The following AASS variants were observed in gnomAD, a reference collection of about 807,000 sequenced individuals.
The protein encoded by AASS is alpha-aminoadipic semialdehyde synthase, mitochondrial.
AASS carries 86 observed loss-of-function variants against 105.4 expected under a neutral mutation model. The ratio of observed to expected loss-of-function variants is 0.82; its 90% confidence interval spans 0.69 to 0.98. The LOEUF (loss-of-function observed/expected upper bound fraction) is 0.98, where lower values mean the gene tolerates loss of function less well. Among genes scored for constraint, AASS ranks in the 50% least tolerant of loss-of-function variants. AASS has a pLI of 0.00. For synonymous variants in AASS, 381 were observed against 394.8 expected, an observed-to-expected ratio of 0.96 and a Z score of 0.41; for missense variants, 1,048 against 1,143.2, an observed-to-expected ratio of 0.92 and a Z score of 1.20.
At chr7:122,136,960 T>C (rs2150556511) in intron 1 of AASS, among the ~76,000 whole-genome samples, 1 of 152,236 alleles carries the variant, frequency 6.6e-6, no homozygotes. Context: ...CATACACACA[T>C]ATACTTGCAA....
At chr7:122,113,951 A>G (rs1280416952) in intron 9 of AASS, among the ~76,000 whole-genome samples, 5 of 151,760 alleles carry the variant, frequency 3.3e-5, no homozygotes, top group African/African-American at 9.6e-5. Context: ...GAAAGAAAGA[A>G]AGAAAAGAAA....
At chr7:122,129,648 G>C in intron 2 of AASS, 111 bp from the exon 3 acceptor site, 1 of 966,054 alleles carries the variant, frequency 1.0e-6, no homozygotes, top group Non-Finnish European at 1.6e-6. Flanking sequence ...AATAAAATCT[G>C]TATGAATTAG....
Position 122,115,121 on chromosome 7 carries a change from G to C in AASS, c.996C>G (p.Gly332=). 6.2e-7 allele frequency: 1 copy of C among 1,614,154 alleles called. No homozygotes were observed. The highest frequency in any genetic ancestry group is 8.5e-7 in the Non-Finnish European group (1 of 1,180,018). ...CTTCCACACCAGCAGGTGAGAACTT[G>C]CCCGGAGCCAGGAGACTCTGAGCAT... ...RQDAQSLLAP[G]KFSPAGVEGC... Residue 332 remains glycine (G), a synonymous_variant, in exon 9 of 24, where the codon GGC becomes GGG. Transcript: ENST00000417368.
At chr7:122,143,900 C>G (rs1796514003) in intron 1 of AASS, among the ~76,000 whole-genome samples, 2 of 152,200 alleles carry the variant, frequency 1.3e-5, no homozygotes, top group South Asian at 4.1e-4. Context: ...CTGCGCTGAC[C>G]GCTCTCCCTC....
At chr7:122,091,916 A>C in intron 17 of AASS, 73 bp from the exon 18 acceptor site, 2 of 1,071,324 alleles carry the variant, frequency 1.9e-6, no homozygotes, top group Non-Finnish European at 2.8e-6. Flanking sequence ...AATTGAAGAC[A>C]ATGATATGAA....
chr7:122,096,807 A>G (rs1304140282), intron 15 of AASS, among the ~76,000 whole-genome samples: 2 of 152,032 alleles, frequency 1.3e-5, no homozygotes, highest in Non-Finnish European at 2.9e-5. Flanking sequence ...ACATATTAAG[A>G]GATTGATGTC....
At chr7:122,103,352 T>C (rs1201326460) in intron 11 of AASS, among the ~76,000 whole-genome samples, 2 of 152,014 alleles carry the variant, frequency 1.3e-5, no homozygotes, top group African/African-American at 4.8e-5. Context: ...AAAAATACTA[T>C]ACACAGCAAA....
intron 4 of AASS, among the ~76,000 whole-genome samples, chr7:122,122,337 G>C (rs1348242369): frequency 2.0e-5 from 3 of 152,136 alleles, no homozygotes; most frequent in Non-Finnish European, 4.4e-5. Flanking sequence ...CAGAATTTAA[G>C]TGACAGGTGG....
intron 18 of AASS, among the ~76,000 whole-genome samples, chr7:122,088,120 G>T (rs1170464526): frequency 1.3e-5 from 2 of 151,934 alleles, no homozygotes; most frequent in East Asian, 3.9e-4. Context: ...TGTCTGTTTT[G>T]CAGAGAATAT....
chr7:122,085,974 A>G (rs756370297), intron 19 of AASS, 38 bp downstream of exon 19: 1 of 1,611,960 alleles, frequency 6.2e-7, no homozygotes, highest in African/African-American at 1.3e-5. Context: ...CTTACATCAC[A>G]ACTGGCAACA....
At chr7:122,140,721 C>T (rs374439050) in intron 1 of AASS, among the ~76,000 whole-genome samples, 72 of 151,738 alleles carry the variant, frequency 4.7e-4, no homozygotes, top group South Asian at 3.8e-3. Flanking sequence ...TCAAATCACA[C>T]GGGGGATTTC....
Position 122,076,596 on chromosome 7 carries a change from C to G in AASS, c.2674G>C (p.Ala892Pro). The change falls in exon 24 of 24, where the codon GCC becomes CCC. Residue 892 changes from alanine (A) to proline (P), a missense_variant. Physicochemically the swap from Ala to Pro is conservative, Grantham distance 27. Coordinates refer to ENST00000417368, the MANE Select transcript of AASS (RefSeq NM_005763.4). Reference sequence around the variant, plus strand: ...GAAAAGGGCCCCATTAGGCCTTTGGCTCCAATTTCACCTGGAAGAAAATAA... The same window carrying G: ...GAAAAGGGCCCCATTAGGCCTTTGGGTCCAATTTCACCTGGAAGAAAATAA... ...AKMLLDGEIG[A>P]KGLMGPFSKE... 5 of 1,609,698 alleles carry G rather than the reference C, an allele frequency of 3.1e-6. No individual in the cohort carries two copies. Among genetic ancestry groups the G allele is most frequent in the Non-Finnish European group, 4.3e-6 (5 of 1,176,026 alleles).
chr7:122,103,998 T>G (rs1794550049), intron 11 of AASS, among the ~76,000 whole-genome samples: 1 of 151,758 alleles, frequency 6.6e-6, no homozygotes, highest in African/African-American at 2.4e-5. Context: ...AATTTAGCAC[T>G]AAAGGAAATC....
intron 22 of AASS, 142 bp from the exon 23 acceptor site, chr7:122,078,156 A>G (rs1467536069): frequency 9.9e-6 from 8 of 808,780 alleles, no homozygotes; most frequent in Non-Finnish European, 1.6e-5. Context: ...ACAGCTTTTT[A>G]GCCCAAAGTC....
At chr7:122,123,712 G>T (rs1795533750) in intron 4 of AASS, among the ~76,000 whole-genome samples, 1 of 152,184 alleles carries the variant, frequency 6.6e-6, no homozygotes, top group African/African-American at 2.4e-5. Context: ...GGTCACCTTA[G>T]AAATGAAAGC....
chr7:122,124,444 G>A (rs796416013), intron 4 of AASS, among the ~76,000 whole-genome samples: 16 of 152,072 alleles, frequency 1.1e-4, no homozygotes, highest in African/African-American at 3.6e-4. Flanking sequence ...CATCACGCCC[G>A]GCTAATTTTT....
intron 1 of AASS, among the ~76,000 whole-genome samples, chr7:122,136,335 C>A (rs1295093194): frequency 6.6e-6 from 1 of 152,062 alleles, no homozygotes; most frequent in African/African-American, 2.4e-5. Context: ...AGCGAAGAGT[C>A]CAGCTAAGAA....
chr7:122,131,242 G>A (rs1282797368), intron 2 of AASS, among the ~76,000 whole-genome samples: 1 of 151,110 alleles, frequency 6.6e-6, no homozygotes, highest in Non-Finnish European at 1.5e-5. Context: ...AATCCAGATG[G>A]ATATTAGATT....
chr7:122,113,082 C>T, intron 11 of AASS, 36 bp downstream of exon 11: 1 of 1,513,688 alleles, frequency 6.6e-7, no homozygotes, highest in Non-Finnish European at 9.2e-7. Context: ...CAATTTAAAG[C>T]CACAGAGTTG....
Sources: gnomAD v4.1 joint callset for allele counts (sites outside exome capture counted in the v4.1 genomes callset) on GRCh38, gnomAD v4.1.1 for gene constraint, MANE v1.5 for transcripts, NCBI Gene and HGNC (gene_info 2026-07-23, HGNC 2026-07-21) for gene names.